Variants in COL14A1 observed in about 807,000 individuals in gnomAD.
The protein encoded by COL14A1 is collagen alpha-1(XIV) chain.
COL14A1 carries 136 observed loss-of-function variants against 230.3 expected under a neutral mutation model. The observed-to-expected ratio is 0.59, with a 90% confidence interval of 0.51 to 0.68. The LOEUF (loss-of-function observed/expected upper bound fraction) is 0.68, where lower values mean the gene tolerates loss of function less well. COL14A1 is among the 30% of genes least tolerant of loss of function. COL14A1 has a pLI of 0.00. For synonymous variants in COL14A1, 792 were observed against 784.1 expected, an observed-to-expected ratio of 1.01 and a Z score of -0.17; for missense variants, 1,976 against 2,215.8, an observed-to-expected ratio of 0.89 and a Z score of 2.17.
At chr8:120,255,589 T>C (rs1011026243) in intron 23 of COL14A1, among the ~76,000 whole-genome samples, 4 of 152,180 alleles carry the variant, frequency 2.6e-5, no homozygotes, top group Admixed American at 6.5e-5. Context: ...ATAGTGCTGA[T>C]TTTTTAGAGT....
At chr8:120,351,039 C>G (rs1822747892) in intron 45 of COL14A1, among the ~76,000 whole-genome samples, 1 of 148,712 alleles carries the variant, frequency 6.7e-6, no homozygotes, top group Non-Finnish European at 1.5e-5. Flanking sequence ...CAAACTATCT[C>G]TCAGACCACA....
chr8:120,283,501 G>T lies in COL14A1; in HGVS notation c.3825-135G>T, dbSNP rs528141016. On this transcript the variant is annotated intron_variant, in intron 31 of 47. Coordinates refer to ENST00000297848, the MANE Select transcript of COL14A1 (RefSeq NM_021110.4). ...TTCTTTACTAAATTAGATCAACAGT[G>T]ATCTAGTTGGTGTTAATGGTGGTCT... 9.9e-6 allele frequency: 8 copies of T among 804,468 alleles called. No individual in the cohort carries two copies. In the African/African-American group the frequency reaches 1.0e-4, roughly 10 times the overall value. 49.8% of individuals were successfully genotyped at this position (804,468 alleles called of 1,614,324 possible).
chr8:120,153,278 G>T (rs1815349827), intron 2 of COL14A1, among the ~76,000 whole-genome samples: 1 of 152,276 alleles, frequency 6.6e-6, no homozygotes, highest in South Asian at 2.1e-4. Context: ...CACGTCCTGG[G>T]CTCAAGTGAT....
intron 34 of COL14A1, among the ~76,000 whole-genome samples, chr8:120,295,765 T>A (rs1251003417): frequency 6.6e-6 from 1 of 151,858 alleles, no homozygotes; most frequent in African/African-American, 2.4e-5. Flanking sequence ...ACTAACTCAT[T>A]TAATCCTCAC....
At chr8:120,163,125 A>G (rs1815739829) in intron 4 of COL14A1, among the ~76,000 whole-genome samples, 1 of 152,238 alleles carries the variant, frequency 6.6e-6, no homozygotes, top group African/African-American at 2.4e-5. Context: ...CCTATGCAAC[A>G]GGGAATTTAA....
At chr8:120,193,312 T>C (rs1047031267) in intron 5 of COL14A1, among the ~76,000 whole-genome samples, 1 of 152,198 alleles carries the variant, frequency 6.6e-6, no homozygotes, top group Non-Finnish European at 1.5e-5. Context: ...AGAGGTCCAC[T>C]CCAGACCCTG....
Position 120,255,338 on chromosome 8 carries a change from G to A in COL14A1, c.2851G>A (p.Val951Ile). 6.2e-7 allele frequency: 1 copy of A among 1,613,354 alleles called. No homozygotes were observed. Among genetic ancestry groups the A allele is most frequent in the Non-Finnish European group, 8.5e-7 (1 of 1,179,260 alleles). The change falls in exon 23 of 48, where the codon GTT (valine) becomes ATT (isoleucine). Residue 951 changes from valine to isoleucine, a missense_variant. Val to Ile is a conservative substitution (Grantham distance 29, BLOSUM62 3). Around this residue, in one of 3 missense-constraint regions of COL14A1, gnomAD observed 1,791 missense variants for 2,019.5 expected, o/e 0.89. Transcript: ENST00000297848. ...TCGCCATGCCACAGCCTATAGGGTTGTTATAGAATCCCTCCAGGGTGAGTA... is the reference window on the plus strand; with the variant it reads ...TCGCCATGCCACAGCCTATAGGGTTATTATAGAATCCCTCCAGGGTGAGTA... ...VHRHATAYRV[V>I]IESLQDRQKQ...
chr8:120,135,236 G>C (rs118159514), intron 1 of COL14A1, among the ~76,000 whole-genome samples: 1,524 of 152,136 alleles, frequency 0.01, 11 homozygotes, highest in Middle Eastern at 0.034. Context: ...TAATCTCTCT[G>C]GAGACCAATT....
intron 9 of COL14A1, among the ~76,000 whole-genome samples, chr8:120,206,648 T>A (rs1817442616): frequency 1.3e-5 from 2 of 152,242 alleles, no homozygotes; most frequent in Admixed American, 1.3e-4. Context: ...TGTGCCTGGC[T>A]GTTAATGTTT....
chr8:120,223,136 C>T (rs1348962840), intron 14 of COL14A1, among the ~76,000 whole-genome samples: 1 of 152,168 alleles, frequency 6.6e-6, no homozygotes, highest in Non-Finnish European at 1.5e-5. Flanking sequence ...CCCAAAAGGC[C>T]ACTGGAGTAT....
chr8:120,342,911 G>A (rs1251779948), intron 44 of COL14A1, among the ~76,000 whole-genome samples: 1 of 152,046 alleles, frequency 6.6e-6, no homozygotes, highest in Non-Finnish European at 1.5e-5. Context: ...TTACCTTCTG[G>A]CTAGCCTAAG....
At chr8:120,178,983 G>T (rs1011323228) in intron 5 of COL14A1, among the ~76,000 whole-genome samples, 1 of 151,970 alleles carries the variant, frequency 6.6e-6, no homozygotes, top group African/African-American at 2.4e-5. Flanking sequence ...TTGTCAGATG[G>T]ATAGATGGCA....
intron 5 of COL14A1, among the ~76,000 whole-genome samples, chr8:120,171,975 G>T (rs183552420): frequency 2.1e-3 from 315 of 151,904 alleles, no homozygotes; most frequent in African/African-American, 7.2e-3. Flanking sequence ...TTTTCAATGG[G>T]GAAATCTTTT....
intron 34 of COL14A1, among the ~76,000 whole-genome samples, chr8:120,294,982 G>A (rs1408617011): frequency 1.3e-5 from 2 of 151,812 alleles, no homozygotes; most frequent in Admixed American, 1.3e-4. Context: ...TTGTAATGTA[G>A]ACATTAGACT....
At chr8:120,334,925 G>A (rs897688950) in intron 42 of COL14A1, among the ~76,000 whole-genome samples, 12 of 152,184 alleles carry the variant, frequency 7.9e-5, no homozygotes, top group African/African-American at 1.4e-4. Flanking sequence ...GAGGCATCCC[G>A]AAGTGAAATT....
At chr8:120,163,804 C>T (rs1321255015) in intron 4 of COL14A1, among the ~76,000 whole-genome samples, 2 of 152,086 alleles carry the variant, frequency 1.3e-5, no homozygotes, top group Non-Finnish European at 2.9e-5. Flanking sequence ...TCCACACAGG[C>T]CCTGATTCTT....
At chr8:120,289,887 A>C in intron 34 of COL14A1, 121 bp downstream of exon 34, 1 of 1,001,734 alleles carries the variant, frequency 1.0e-6, no homozygotes, top group South Asian at 1.7e-5. Context: ...TGGATGGATG[A>C]ATGAATGGAT....
chr8:120,349,660 A>G (rs1822671647), intron 45 of COL14A1, among the ~76,000 whole-genome samples: 1 of 140,296 alleles, frequency 7.1e-6, no homozygotes, highest in East Asian at 2.0e-4. Flanking sequence ...AATGAATGAA[A>G]TGAAGCGAGA....
intron 45 of COL14A1, among the ~76,000 whole-genome samples, chr8:120,365,526 A>G (rs1823380903): frequency 1.3e-5 from 2 of 152,240 alleles, no homozygotes; most frequent in African/African-American, 4.8e-5. Flanking sequence ...CCTCTCAGCT[A>G]AAAACTACAA....
Sources: gnomAD v4.1 joint callset for allele counts (sites outside exome capture counted in the v4.1 genomes callset) on GRCh38, gnomAD v4.1.1 for gene constraint, gnomAD v4.1.1 regional missense constraint, MANE v1.5 for transcripts, NCBI Gene and HGNC (gene_info 2026-07-23, HGNC 2026-07-21) for gene names.